ZBTB8B: variants seen among roughly 807,000 people sequenced by gnomAD.
ZBTB8B encodes the protein zinc finger and BTB domain-containing protein 8B.
A neutral mutation model predicts 30.3 loss-of-function variants in ZBTB8B; 17 were observed. The ratio of observed to expected loss-of-function variants is 0.56; its 90% CI spans 0.38 to 0.84. ZBTB8B has a LOEUF of 0.84. Ranked by LOEUF, ZBTB8B falls within the 40% of genes least tolerant of loss-of-function variation. ZBTB8B has a pLI of 0.00. For missense variants in ZBTB8B, 515 were observed against 644.9 expected, an observed-to-expected ratio of 0.80 and a Z score of 2.18; for synonymous variants, 248 against 255.6, an observed-to-expected ratio of 0.97 and a Z score of 0.28.
intron 2 of ZBTB8B, among the ~76,000 whole-genome samples, chr1:32,474,452 A>C (rs1482328467): frequency 6.8e-6 from 1 of 147,174 alleles, no homozygotes; most frequent in East Asian, 2.0e-4. Context: ...AGGTGGGAGG[A>C]TCACCTGAGC....
intron 3 of ZBTB8B, among the ~76,000 whole-genome samples, chr1:32,483,367 G>C (rs1643721654): frequency 6.6e-6 from 1 of 151,530 alleles, no homozygotes; most frequent in African/African-American, 2.4e-5. Flanking sequence ...GGAGGTTGCA[G>C]TGAGCCGAGA....
chr1:32,468,654 T>C (rs112319594), intron 1 of ZBTB8B, among the ~76,000 whole-genome samples: 2,644 of 152,092 alleles, frequency 0.017, 91 homozygotes, highest in African/African-American at 0.06. Flanking sequence ...AGACCAGTCT[T>C]GTTCGTGACC....
rs1490064002 is a variant in ZBTB8B, at chr1:32,488,303, G to A, written c.*2885G>A. ...TCTCAGCAAAAAGGAAACCTAAATG[G>A]ATGTGTAGAAGATTTACTTGGCCAG... On this transcript the variant is annotated 3_prime_UTR_variant, in exon 4 of 4. Coordinates refer to ENST00000609129, the MANE Select transcript of ZBTB8B (RefSeq NM_001145720.2). 6.6e-6 allele frequency: 1 copy of A among 152,286 alleles called. No individual in the cohort carries two copies. Among genetic ancestry groups the A allele is most frequent in the African/African-American group, 2.4e-5 (1 of 41,560 alleles). The allele number at this position is 152,286 out of a possible 1,614,324, so 9.4% of individuals were successfully genotyped here.
Position 32,483,244 on chromosome 1 carries a change from C to CAAAAAAAAAAAAAAAAA in ZBTB8B, c.1171-1842_1171-1826dup, listed in dbSNP as rs59559091. Among the ~76,000 whole-genome samples the CAAAAAAAAAAAAAAAAA allele has an allele frequency of 2.0e-4, 11 of 56,384 alleles. 4 individuals carry two copies. Among genetic ancestry groups the CAAAAAAAAAAAAAAAAA allele is most frequent in the African/African-American group, 5.3e-4 (5 of 9,500 alleles). 37.0% of individuals were successfully genotyped at this position (56,384 alleles called of 152,430 possible). Reference sequence around the variant, plus strand: ...CGAAACCCCTTATCTACTAAAAATCCAAAAAAAAAAAAAAAAAAAAAAAAA... The same window carrying CAAAAAAAAAAAAAAAAA: ...CGAAACCCCTTATCTACTAAAAATCCAAAAAAAAAAAAAAAAAAAAAAAAAAAAAAAAAAAAAAAAAA... On this transcript the variant is annotated intron_variant, in intron 3 of 3. Transcript: ENST00000609129.
chr1:32,480,691 A>G (rs535139679), intron 2 of ZBTB8B, among the ~76,000 whole-genome samples, 200 bp from the exon 3 acceptor site: 1 of 152,290 alleles, frequency 6.6e-6, no homozygotes, highest in Admixed American at 6.5e-5. Flanking sequence ...AGTCCACTTT[A>G]CTTTATCCTG....
intron 2 of ZBTB8B, among the ~76,000 whole-genome samples, chr1:32,476,139 G>A (rs1214401221): frequency 2.6e-5 from 4 of 151,330 alleles, no homozygotes; most frequent in African/African-American, 9.7e-5. Flanking sequence ...GTTTTGTTTT[G>A]TTTTGTTTTG....
In ZBTB8B at chr1:32,468,567, A is replaced by T. The variant is rs185457392; in HGVS notation, c.-41-2017A>T. 2.9e-3 allele frequency among the ~76,000 whole-genome samples: 444 copies of T among 152,308 alleles called. 5 individuals carry two copies. The highest frequency in any genetic ancestry group is 4.7e-3 in the Admixed American group (72 of 15,292). On this transcript the variant is annotated intron_variant, in intron 1 of 3. Transcript: ENST00000609129. ...TCCATCAAAGCCGAAAAAAGGCACT[A>T]GAACCAAAAGAATGGGGAATGCATG...
intron 3 of ZBTB8B, among the ~76,000 whole-genome samples, chr1:32,481,490 T>C (rs1407911978): frequency 2.0e-5 from 3 of 151,972 alleles, no homozygotes; most frequent in Non-Finnish European, 4.4e-5. Flanking sequence ...TAGAGCTACC[T>C]GTGGGCAGCA....
rs1055772939 is a variant in ZBTB8B, at chr1:32,486,309, T to C, written c.*891T>C. ...GATGTAGGGCAGGTGAGCCCAAAAATTGGGGCTTAGCCCAGAGGAGTTCTT... is the reference window on the plus strand; with the variant it reads ...GATGTAGGGCAGGTGAGCCCAAAAACTGGGGCTTAGCCCAGAGGAGTTCTT... On this transcript the variant is annotated 3_prime_UTR_variant, in exon 4 of 4. Coordinates refer to ENST00000609129, the MANE Select transcript of ZBTB8B (RefSeq NM_001145720.2). 14 of 152,242 alleles carry C rather than the reference T, an allele frequency of 9.2e-5. No homozygotes were observed. The highest frequency in any genetic ancestry group is 2.9e-4 in the African/African-American group (12 of 41,474). 9.4% of individuals were successfully genotyped at this position (152,242 alleles called of 1,614,324 possible).
At position 32,492,170 on chromosome 1, in the gene ZBTB8B, G is replaced by A. The variant is rs1212632638; in HGVS notation, c.*6752G>A. 1 of 152,108 alleles carries A rather than the reference G, an allele frequency of 6.6e-6. No individual in the cohort carries two copies. The highest frequency in any genetic ancestry group is 6.6e-5 in the Admixed American group (1 of 15,258). 9.4% of individuals were successfully genotyped at this position (152,108 alleles called of 1,614,324 possible). A position where few individuals can be genotyped will look rare whatever the true frequency, so the allele number is the denominator to read the frequency against. On this transcript the variant is annotated 3_prime_UTR_variant, in exon 4 of 4. Transcript: ENST00000609129. ...TCCTTTGGTGTCACTCATAATAGGT[G>A]AGTATAGTATGTCGTACTGTAGGGA...
At chr1:32,469,306 C>T (rs899619335) in intron 1 of ZBTB8B, among the ~76,000 whole-genome samples, 8 of 134,468 alleles carry the variant, frequency 5.9e-5, no homozygotes, top group African/African-American at 1.5e-4. Context: ...AGTGTAGTGG[C>T]GCAGTCTCAG....
chr1:32,470,512 A>AAAAAAAG lies in ZBTB8B; in HGVS notation c.-41-66_-41-65insGAAAAAA. 5.5e-6 allele frequency: 6 copies of AAAAAAAG among 1,083,152 alleles called. No individual in the cohort carries two copies. In the East Asian group the frequency reaches 1.8e-4, roughly 32 times the overall value. 67.1% of individuals were successfully genotyped at this position (1,083,152 alleles called of 1,614,324 possible). On this transcript the variant is annotated intron_variant, in intron 1 of 3. Coordinates refer to ENST00000609129, the MANE Select transcript of ZBTB8B (RefSeq NM_001145720.2). ...AAGACGCTGACTCAAAAAAAAAAAA[A>AAAAAAAG]AAAAAAAAAAAAAAGAAATCTTGTT...
chr1:32,468,841 A>G (rs1466829835), intron 1 of ZBTB8B, among the ~76,000 whole-genome samples: 1 of 150,728 alleles, frequency 6.6e-6, no homozygotes, highest in African/African-American at 2.5e-5. Context: ...AGCCTGGGCG[A>G]GAGAGGGAGA....
chr1:32,479,169 A>G (rs189168210), intron 2 of ZBTB8B, among the ~76,000 whole-genome samples: 130 of 136,798 alleles, frequency 9.5e-4, no homozygotes, highest in African/African-American at 3.6e-3. Context: ...TTCATAGGTG[A>G]TATGATATGA....
In ZBTB8B at chr1:32,493,305, G is replaced by A. The variant is rs1345505847; in HGVS notation, c.*7887G>A. 6.6e-6 allele frequency: 1 copy of A among 151,738 alleles called. No individual in the cohort carries two copies. The highest frequency in any genetic ancestry group is 1.5e-5 in the Non-Finnish European group (1 of 67,964). The allele number at this position is 151,738 out of a possible 1,614,324, so 9.4% of individuals were successfully genotyped here. A position where few individuals can be genotyped will look rare whatever the true frequency, so the allele number is the denominator to read the frequency against. On this transcript the variant is annotated 3_prime_UTR_variant, in exon 4 of 4. Coordinates refer to ENST00000609129, the MANE Select transcript of ZBTB8B (RefSeq NM_001145720.2). ...CTACAGGCGTGTGCCACCACGCCCA[G>A]CTAATTTTTTGTATTTTATAAGAGA...
At position 32,465,693 on chromosome 1, in the gene ZBTB8B, G is replaced by T. The variant is rs1297924525; in HGVS notation, c.-42+588G>T. On this transcript the variant is annotated intron_variant, in intron 1 of 3. Coordinates refer to ENST00000609129, the MANE Select transcript of ZBTB8B (RefSeq NM_001145720.2). This position sits in a 1 kb window ranked among gnomAD's most constrained non-coding sequence, Gnocchi z 4.1. ...AAAGGAGTGACTTCCCCAACCTGTCGCATCGTGTCCTGGAGGGTTTGAGGA... is the reference window on the plus strand; with the variant it reads ...AAAGGAGTGACTTCCCCAACCTGTCTCATCGTGTCCTGGAGGGTTTGAGGA... 1.3e-5 allele frequency among the ~76,000 whole-genome samples: 2 copies of T among 152,184 alleles called. No homozygotes were observed. The highest frequency in any genetic ancestry group is 4.8e-5 in the African/African-American group (2 of 41,452).
rs1643566422 is a variant in ZBTB8B, at chr1:32,465,838, A to T, written c.-42+733A>T. On this transcript the variant is annotated intron_variant, in intron 1 of 3. Coordinates refer to ENST00000609129, the MANE Select transcript of ZBTB8B (RefSeq NM_001145720.2). This position sits in a 1 kb window ranked among gnomAD's most constrained non-coding sequence, Gnocchi z 4.1. The stretch of plus-strand genomic sequence containing the variant: ...CTCAGTTCCTCCTCTGAAAAAGAGG[A>T]TGTAGTTAGAGTATCTGTCGTACTG... Among the ~76,000 whole-genome samples the T allele has an allele frequency of 6.6e-6, 1 of 152,018 alleles. No individual in the cohort carries two copies. Among genetic ancestry groups the T allele is most frequent in the Admixed American group, 6.6e-5 (1 of 15,248 alleles).
rs1485539000 is a variant in ZBTB8B, at chr1:32,490,983, T to C, written c.*5565T>C. 1 of 152,224 alleles carries C rather than the reference T, an allele frequency of 6.6e-6. No homozygotes were observed. The highest frequency in any genetic ancestry group is 1.9e-4 in the East Asian group (1 of 5,204). The allele number at this position is 152,224 out of a possible 1,614,324, so 9.4% of individuals were successfully genotyped here. A position where few individuals can be genotyped will look rare whatever the true frequency, so the allele number is the denominator to read the frequency against. On this transcript the variant is annotated 3_prime_UTR_variant, in exon 4 of 4. Coordinates refer to ENST00000609129, the MANE Select transcript of ZBTB8B (RefSeq NM_001145720.2). ...CATAACTGAAGGAGAACATTTAGCA[T>C]CCGTCTTGACCCTCCAGGTAGATTA...
At position 32,471,362 on chromosome 1, in the gene ZBTB8B, G is replaced by A. The variant is rs1418250343; in HGVS notation, c.738G>A (p.Leu246=). 6.4e-6 allele frequency: 10 copies of A among 1,551,808 alleles called. No homozygotes were observed. In the South Asian group the frequency reaches 9.5e-5, roughly 15 times the overall value. ...DEVEVDVGEQ[L]QQYAAPLNLA... ...TGGAGGTGGACGTTGGTGAACAGCTGCAGCAGTATGCTGCCCCGCTGAACC... is the reference window on the plus strand; with the variant it reads ...TGGAGGTGGACGTTGGTGAACAGCTACAGCAGTATGCTGCCCCGCTGAACC... Residue 246 remains leucine (L), a synonymous_variant, in exon 2 of 4, where the codon CTG becomes CTA. Transcript: ENST00000609129.
Sources: allele counts gnomAD v4.1 joint callset (sites outside exome capture counted in the v4.1 genomes callset), GRCh38; gene constraint gnomAD v4.1.1; non-coding constraint Gnocchi (gnomAD v3.1); transcripts MANE v1.5; gene names NCBI Gene and HGNC (gene_info 2026-07-23, HGNC 2026-07-21).